The following ACAD10 variants were observed in gnomAD, a reference collection of about 807,000 sequenced individuals.
ACAD10 encodes acyl-CoA dehydrogenase family member 10.
In ACAD10, 112 loss-of-function variants were observed where a neutral mutation model predicts 116.8. The ratio of observed to expected loss-of-function variants is 0.96; its 90% CI spans 0.82 to 1.12. The LOEUF is 1.12. Ranked by LOEUF, ACAD10 falls within the 50% of genes most tolerant of loss-of-function variation. ACAD10 has a pLI of 0.00. For synonymous variants in ACAD10, 486 were observed against 510.6 expected (o/e 0.95, Z 0.65); for missense variants, 1,259 against 1,350.2 (o/e 0.93, Z 1.06).
chr12:111,742,855 G>C (rs1055154387), intron 12 of ACAD10, among the ~76,000 whole-genome samples: 1 of 151,982 alleles, frequency 6.6e-6, no homozygotes, highest in Non-Finnish European at 1.5e-5. Flanking sequence ...GATTACAGGC[G>C]TGCATCACCA....
rs1375222939 is a variant in ACAD10, at chr12:111,756,796, C to A, written c.*323C>A. ...ACTTCACTTCAGCCTTTCAGTCCCT[C>A]TCTCTCTGCCTGTGGGAATCTGGAC... is the stretch of plus-strand genomic sequence containing the variant. On this transcript the variant is annotated 3_prime_UTR_variant, in exon 21 of 21. Transcript: ENST00000313698. The A allele has an allele frequency of 2.0e-6, 1 of 501,868 alleles. No homozygotes were observed. The highest frequency in any genetic ancestry group is 3.9e-6 in the Non-Finnish European group (1 of 257,414). The allele number at this position is 501,868 out of a possible 1,614,324, so 31.1% of individuals were successfully genotyped here. A position where few individuals can be genotyped will look rare whatever the true frequency, so the allele number is the denominator to read the frequency against.
rs150051004 is a variant in ACAD10 at position 111,712,561 on chromosome 12, G to T, written c.754G>T (p.Gly252Cys). ...EALLGFTLRVGVPNTRPVKKT... is the reference protein window; with the variant it reads ...EALLGFTLRVCVPNTRPVKKT... ...TCTCTTGGGTTTTACATTGAGAGTAGGTGTTCCAAACACTCGGCCTGTGAA... is the reference window on the plus strand; with the variant it reads ...TCTCTTGGGTTTTACATTGAGAGTATGTGTTCCAAACACTCGGCCTGTGAA... Residue 252 changes from glycine to cysteine, a missense_variant, in exon 6 of 21, where the codon GGT becomes TGT. Physicochemically the swap from Gly to Cys is radical, Grantham distance 159. Coordinates refer to ENST00000313698, the MANE Select transcript of ACAD10 (RefSeq NM_025247.6). 28 of 1,613,998 alleles carry T rather than the reference G, an allele frequency of 1.7e-5. No individual in the cohort carries two copies. In the African/African-American group the frequency reaches 2.5e-4, roughly 15 times the overall value.
At chr12:111,728,165 C>T (rs1410699814) in intron 9 of ACAD10, 22 bp downstream of exon 9, 4 of 1,571,204 alleles carry the variant, frequency 2.5e-6, no homozygotes, top group East Asian at 2.3e-5. Context: ...GCCACGTCTC[C>T]CATGCTGGTT....
chr12:111,747,658 C>G (rs1889952679), intron 16 of ACAD10: 2 of 1,256,422 alleles, frequency 1.6e-6, no homozygotes, highest in Non-Finnish European at 2.0e-6. Context: ...GGAATCTCTC[C>G]ACTTCCTGCT....
chr12:111,748,651 C>T (rs185885614), intron 17 of ACAD10, 176 bp downstream of exon 17: 351 of 725,912 alleles, frequency 4.8e-4, no homozygotes, highest in African/African-American at 3.7e-3. Flanking sequence ...ACCATGCAGG[C>T]GGATTTCAGA....
At chr12:111,749,454 C>G in intron 18 of ACAD10, 109 bp downstream of exon 18, 1 of 1,380,528 alleles carries the variant, frequency 7.2e-7, no homozygotes, top group Non-Finnish European at 9.7e-7. Flanking sequence ...GCAGGTGAAG[C>G]AAGGTGATGT....
At chr12:111,689,841 G>A (rs1887985603) in intron 1 of ACAD10, among the ~76,000 whole-genome samples, 1 of 151,418 alleles carries the variant, frequency 6.6e-6, no homozygotes, top group South Asian at 2.1e-4. Context: ...TCAGCCTCTT[G>A]AGTAGCTGGG....
At chr12:111,747,916 A>T (rs990742631) in intron 16 of ACAD10, among the ~76,000 whole-genome samples, 3 of 152,138 alleles carry the variant, frequency 2.0e-5, no homozygotes, top group Non-Finnish European at 2.9e-5. Context: ...TGCCTGGGGT[A>T]TGAGCCCCCA....
At chr12:111,753,958 C>T (rs1890141310) in intron 19 of ACAD10, 43 bp downstream of exon 19, 1 of 1,556,482 alleles carries the variant, frequency 6.4e-7, no homozygotes, top group Admixed American at 1.9e-5. Flanking sequence ...GGCAGAGATT[C>T]TTCCTCCTCA....
intron 16 of ACAD10, 118 bp from the exon 17 acceptor site, chr12:111,748,199 G>A: frequency 7.8e-7 from 1 of 1,280,816 alleles, no homozygotes; most frequent in Non-Finnish European, 1.1e-6. Flanking sequence ...ATTACATGGA[G>A]CCTTAAAGAG....
rs755036420 is a variant in ACAD10, at chr12:111,704,664, T to TTTTC, written c.337-1050_337-1047dup. 7.4e-3 allele frequency among the ~76,000 whole-genome samples: 1,106 copies of TTTTC among 149,072 alleles called. 10 individuals carry two copies. The highest frequency in any genetic ancestry group is 0.02 in the South Asian group (92 of 4,642). ...ATTTTGAAATGTGATAATATAAGAG[T>TTTTC]TTTCTTTCTTTCTTTCTTTCTTTCT... is the stretch of plus-strand genomic sequence containing the variant. On this transcript the variant is annotated intron_variant, in intron 3 of 20. Transcript: ENST00000313698.
In ACAD10 at chr12:111,756,583, C is replaced by A; in HGVS notation, c.*110C>A. On this transcript the variant is annotated 3_prime_UTR_variant, in exon 21 of 21. Transcript: ENST00000313698. ...TTTGTGGCTCCTGCACCCTGCTCAG[C>A]AGCTCTGTCCCGGGACAGTCAGGGT... 1 of 1,492,538 alleles carries A rather than the reference C, an allele frequency of 6.7e-7. No homozygotes were observed. Among genetic ancestry groups the A allele is most frequent in the Non-Finnish European group, 9.1e-7 (1 of 1,104,670 alleles). The allele number at this position is 1,492,538 out of a possible 1,614,324, so 92.5% of individuals were successfully genotyped here. A position where few individuals can be genotyped will look rare whatever the true frequency, so the allele number is the denominator to read the frequency against.
intron 2 of ACAD10, among the ~76,000 whole-genome samples, chr12:111,699,029 C>T (rs939171550): frequency 2.0e-5 from 3 of 152,052 alleles, no homozygotes; most frequent in African/African-American, 7.2e-5. Context: ...TAGGCTCGCA[C>T]CACCACACCT....
chr12:111,723,414 G>T (rs1338584103), intron 8 of ACAD10, among the ~76,000 whole-genome samples: 1 of 134,094 alleles, frequency 7.5e-6, no homozygotes, highest in Non-Finnish European at 1.6e-5. Flanking sequence ...TGGCCGGGCG[G>T]GGGGCTGACC....
chr12:111,687,320 C>G (rs1025605272), intron 1 of ACAD10, among the ~76,000 whole-genome samples: 1 of 152,162 alleles, frequency 6.6e-6, no homozygotes, highest in African/African-American at 2.4e-5. Flanking sequence ...TTTCTCAACT[C>G]TGCACTATTA....
chr12:111,716,278 G>A (rs1256804660), intron 7 of ACAD10, among the ~76,000 whole-genome samples: 1 of 152,042 alleles, frequency 6.6e-6, no homozygotes, highest in African/African-American at 2.4e-5. Context: ...AGGCTGAGGT[G>A]GGAGGATTGC....
chr12:111,747,938 G>C (rs913455697), intron 16 of ACAD10, among the ~76,000 whole-genome samples: 1 of 152,174 alleles, frequency 6.6e-6, no homozygotes, highest in Non-Finnish European at 1.5e-5. Flanking sequence ...CCAGCAAGTA[G>C]AGAACCCAGA....
At chr12:111,687,296 T>TGTGGC (rs1387338925) in intron 1 of ACAD10, among the ~76,000 whole-genome samples, 2 of 152,202 alleles carry the variant, frequency 1.3e-5, no homozygotes, top group Non-Finnish European at 2.9e-5. Flanking sequence ...CCATATGCCC[T>TGTGGC]GTTTAAATCA....
intron 6 of ACAD10, among the ~76,000 whole-genome samples, chr12:111,713,797 T>C (rs1888760588): frequency 6.8e-6 from 1 of 147,358 alleles, no homozygotes; most frequent in Non-Finnish European, 1.5e-5. Context: ...ATTAGCTAGG[T>C]GTTTTGGCGG....
Sources: gnomAD v4.1 joint callset for allele counts (sites outside exome capture counted in the v4.1 genomes callset) on GRCh38, gnomAD v4.1.1 for gene constraint, MANE v1.5 for transcripts, NCBI Gene and HGNC (gene_info 2026-07-23, HGNC 2026-07-21) for gene names.